The following CFAP299 variants were observed in gnomAD, a reference collection of about 807,000 sequenced individuals.
The protein encoded by CFAP299 is cilia and flagella associated protein 299.
A neutral mutation model predicts 27.0 loss-of-function variants in CFAP299; 21 were observed. The ratio of observed to expected loss-of-function variants is 0.78; its 90% CI spans 0.55 to 1.12. CFAP299 has a LOEUF of 1.12. Ranked by LOEUF, CFAP299 falls within the 50% of genes most tolerant of loss-of-function variation. The pLI, the probability that CFAP299 is intolerant of heterozygous loss-of-function variation, is 0.00. For missense variants in CFAP299, 310 were observed against 276.6 expected (o/e 1.12, Z -0.86); for synonymous variants, 104 against 98.1 (o/e 1.06, Z -0.36).
intron 3 of CFAP299, among the ~76,000 whole-genome samples, chr4:80,672,399 G>A (rs570798829): frequency 2.0e-5 from 3 of 152,224 alleles, no homozygotes; most frequent in South Asian, 4.1e-4. Context: ...TGCTGGATTC[G>A]GTTTGCCAGT....
intron 3 of CFAP299, among the ~76,000 whole-genome samples, chr4:80,726,656 T>C (rs143014833): frequency 6.6e-6 from 1 of 152,198 alleles, no homozygotes; most frequent in Non-Finnish European, 1.5e-5. Flanking sequence ...GCATTTCACA[T>C]ACAGAGCAAA....
chr4:80,749,263 T>G (rs1724792899), intron 3 of CFAP299, among the ~76,000 whole-genome samples: 1 of 152,198 alleles, frequency 6.6e-6, no homozygotes, highest in Non-Finnish European at 1.5e-5. Context: ...ATTTGAATCT[T>G]CATTATACCA....
At position 80,381,379 on chromosome 4, in the gene CFAP299, C is replaced by CTTTTTT. The variant is rs1724690877; in HGVS notation, c.242+18495_242+18496insTTTTTT. Among the ~76,000 whole-genome samples the CTTTTTT allele has an allele frequency of 1.7e-3, 10 of 6,046 alleles. 1 individual carries two copies. The highest frequency in any genetic ancestry group is 4.5e-3 in the Admixed American group (1 of 224). The allele number at this position is 6,046 out of a possible 152,430, so 4.0% of individuals were successfully genotyped here. A position where few individuals can be genotyped will look rare whatever the true frequency, so the allele number is the denominator to read the frequency against. On this transcript the variant is annotated intron_variant, in intron 2 of 5. Coordinates refer to ENST00000358105, the MANE Select transcript of CFAP299 (RefSeq NM_152770.3). Reference sequence around the variant, plus strand: ...TATTTATAATTACTCTTAACATATACATTTTTTTTTTTTTTTTTTTTTTTT... The same window carrying CTTTTTT: ...TATTTATAATTACTCTTAACATATACTTTTTTATTTTTTTTTTTTTTTTTTTTTTTT...
chr4:80,692,115 C>T (rs1720750536), intron 3 of CFAP299, among the ~76,000 whole-genome samples: 1 of 152,160 alleles, frequency 6.6e-6, no homozygotes, highest in South Asian at 2.1e-4. Flanking sequence ...AATGGCCATA[C>T]TGCCCAAGAT....
At chr4:80,342,401 G>T (rs1298083372) in intron 1 of CFAP299, among the ~76,000 whole-genome samples, 1 of 152,148 alleles carries the variant, frequency 6.6e-6, no homozygotes, top group Non-Finnish European at 1.5e-5. Flanking sequence ...AAGAAAAAAT[G>T]TTAAAGGCAG....
At chr4:80,604,432 G>C (rs1438293582) in intron 3 of CFAP299, among the ~76,000 whole-genome samples, 1 of 152,092 alleles carries the variant, frequency 6.6e-6, no homozygotes, top group Non-Finnish European at 1.5e-5. Context: ...CCAGTGCTCC[G>C]CTCTCTAGGT....
chr4:80,826,207 C>T (rs1729976539), intron 3 of CFAP299, among the ~76,000 whole-genome samples: 1 of 151,122 alleles, frequency 6.6e-6, no homozygotes, highest in African/African-American at 2.4e-5. Context: ...ATCATAAGCA[C>T]AAACCAAGTA....
chr4:80,671,797 G>C (rs900605285), intron 3 of CFAP299, among the ~76,000 whole-genome samples: 15 of 152,266 alleles, frequency 9.9e-5, no homozygotes, highest in African/African-American at 2.6e-4. Context: ...CTCTCTGTTT[G>C]TCTGTTTTTG....
chr4:80,333,134 C>T (rs1578323362), upstream of CFAP299, among the ~76,000 whole-genome samples: 1 of 152,166 alleles, frequency 6.6e-6, no homozygotes, highest in African/African-American at 2.4e-5. Context: ...CAGGAGCAAA[C>T]TCCCGGATTA....
At chr4:80,516,081 C>T (rs1475611860) in intron 2 of CFAP299, among the ~76,000 whole-genome samples, 1 of 139,266 alleles carries the variant, frequency 7.2e-6, no homozygotes, top group Non-Finnish European at 1.5e-5. Context: ...AGTGCAGTGG[C>T]GTGATCTTGG....
intron 2 of CFAP299, among the ~76,000 whole-genome samples, chr4:80,476,410 A>G (rs1730275600): frequency 6.6e-6 from 1 of 152,104 alleles, no homozygotes; most frequent in Non-Finnish European, 1.5e-5. Context: ...CAGTGGGGAG[A>G]GGCTTCAGTG....
At chr4:80,690,275 T>C (rs1360799402) in intron 3 of CFAP299, among the ~76,000 whole-genome samples, 1 of 150,386 alleles carries the variant, frequency 6.6e-6, no homozygotes, top group African/African-American at 2.4e-5. Context: ...TATTCCAAAA[T>C]TGACCACATA....
chr4:80,799,516 T>G (rs1215910348), intron 3 of CFAP299, among the ~76,000 whole-genome samples: 7 of 79,646 alleles, frequency 8.8e-5, no homozygotes, highest in Non-Finnish European at 1.1e-4. Context: ...AAATGTATAT[T>G]TATATAATAT....
rs138706262 is a variant in CFAP299 at position 80,867,589 on chromosome 4, G to T, written c.334-2404G>T. On this transcript the variant is annotated intron_variant, in intron 3 of 5. Coordinates refer to ENST00000358105, the MANE Select transcript of CFAP299 (RefSeq NM_152770.3). ...GATAATTGAAGGGGTTGGCAGATTT[G>T]GTTTCTTAGGAGGGCTGTTTTCCCT... Among the ~76,000 whole-genome samples the T allele has an allele frequency of 3.5e-4, 54 of 152,178 alleles. 1 individual carries two copies. Among genetic ancestry groups the T allele is most frequent in the Non-Finnish European group, 2.9e-5 (2 of 68,026 alleles).
chr4:80,386,580 C>G (rs1340500480), intron 2 of CFAP299: 1 of 1,598,122 alleles, frequency 6.3e-7, no homozygotes, highest in Non-Finnish European at 8.6e-7. Context: ...CAGCGGTGAT[C>G]TTTGAGGTAT....
intron 2 of CFAP299, among the ~76,000 whole-genome samples, chr4:80,464,870 T>A (rs1288462669): frequency 6.6e-6 from 1 of 152,154 alleles, no homozygotes; most frequent in Non-Finnish European, 1.5e-5. Flanking sequence ...AATATTTTTA[T>A]GTCTTTTATT....
intron 3 of CFAP299, among the ~76,000 whole-genome samples, chr4:80,834,723 C>G (rs1730469621): frequency 6.6e-6 from 1 of 152,134 alleles, no homozygotes; most frequent in South Asian, 2.1e-4. Flanking sequence ...AGTCGGCGGA[C>G]AGGGCAGTTC....
At chr4:80,589,693 C>T (rs1457469263) in intron 3 of CFAP299, among the ~76,000 whole-genome samples, 1 of 152,124 alleles carries the variant, frequency 6.6e-6, no homozygotes, top group African/African-American at 2.4e-5. Flanking sequence ...TAGGAAAAGA[C>T]ACTCAGCTGT....
At chr4:80,614,213 G>A (rs185269308) in intron 3 of CFAP299, among the ~76,000 whole-genome samples, 113 of 152,154 alleles carry the variant, frequency 7.4e-4, no homozygotes, top group African/African-American at 2.5e-3. Flanking sequence ...CTATCCTAAT[G>A]GAAACAGTTT....
Sources: gnomAD v4.1 joint callset for allele counts (sites outside exome capture counted in the v4.1 genomes callset) on GRCh38, gnomAD v4.1.1 for gene constraint, MANE v1.5 for transcripts, NCBI Gene and HGNC (gene_info 2026-07-23, HGNC 2026-07-21) for gene names.